Variants in EXOC4 observed in about 807,000 individuals in gnomAD.
EXOC4 encodes SEC8-like 1.
A neutral mutation model predicts 107.2 loss-of-function variants in EXOC4; 71 were observed. The observed-to-expected ratio is 0.66, with a 90% CI of 0.55 to 0.81. The LOEUF (loss-of-function observed/expected upper bound fraction) is 0.81, where lower values mean the gene tolerates loss of function less well. EXOC4 is among the 30% of genes least tolerant of loss of function. EXOC4 has a pLI of 0.00. For missense variants in EXOC4, 1,108 were observed against 1,189.6 expected (o/e 0.93, Z 1.01); for synonymous variants, 456 against 441.2 (o/e 1.03, Z -0.42).
At chr7:133,506,200 G>T (rs1799662565) in intron 9 of EXOC4, among the ~76,000 whole-genome samples, 1 of 152,072 alleles carries the variant, frequency 6.6e-6, no homozygotes. Flanking sequence ...TAATATGATT[G>T]TTTTAAGTTG....
rs1797915739 is a variant in EXOC4 at position 133,434,194 on chromosome 7, G to A, written c.1183-41134G>A. ...AAACTGATTAGAGACTGGAGGCTGT[G>A]TGCATGAGACCTCCCTAAAGCAGAG... On this transcript the variant is annotated intron_variant, in intron 7 of 17. Transcript: ENST00000253861. 2.0e-5 allele frequency among the ~76,000 whole-genome samples: 3 copies of A among 152,204 alleles called. No individual in the cohort carries two copies. The South Asian group carries it at 6.2e-4, about 32-fold the overall frequency.
intron 7 of EXOC4, among the ~76,000 whole-genome samples, chr7:133,388,079 T>A (rs1796768626): frequency 6.6e-6 from 1 of 152,156 alleles, no homozygotes; most frequent in Non-Finnish European, 1.5e-5. Flanking sequence ...TGGCTTGGAC[T>A]TTGCCTTTTA....
At chr7:134,026,636 T>G (rs1168088853) in intron 17 of EXOC4, among the ~76,000 whole-genome samples, 1 of 151,928 alleles carries the variant, frequency 6.6e-6, no homozygotes, top group Non-Finnish European at 1.5e-5. Flanking sequence ...CTGAGTTTAT[T>G]AGGTGTCAAA....
chr7:133,630,653 A>G (rs1457279446), intron 10 of EXOC4, among the ~76,000 whole-genome samples: 1 of 152,120 alleles, frequency 6.6e-6, no homozygotes, highest in African/African-American at 2.4e-5. Flanking sequence ...TTGCAAACCC[A>G]TAATCTGTCC....
chr7:133,810,577 C>T (rs1306979331), intron 10 of EXOC4, among the ~76,000 whole-genome samples: 3 of 148,244 alleles, frequency 2.0e-5, no homozygotes, highest in South Asian at 2.1e-4. Flanking sequence ...AGAATTTAGA[C>T]GATAAGATCC....
chr7:133,272,308 C>A lies in EXOC4; in HGVS notation c.87-2674C>A, dbSNP rs572959656. ...ACTCTGTAGCTGTTAGGAGTGCAAT[C>A]TGAAAGCAGACCAACCTGAGTTTTA... On this transcript the variant is annotated intron_variant, in intron 1 of 17. Transcript: ENST00000253861. Among the ~76,000 whole-genome samples the A allele has an allele frequency of 1.2e-4, 18 of 152,310 alleles. No homozygotes were observed. The South Asian group carries it at 3.3e-3, about 28-fold the overall frequency.
intron 7 of EXOC4, among the ~76,000 whole-genome samples, chr7:133,376,104 A>G (rs772574115): frequency 3.9e-5 from 6 of 152,204 alleles, no homozygotes; most frequent in Non-Finnish European, 8.8e-5. Flanking sequence ...TGTAAATTAT[A>G]GTCATTTTTT....
At chr7:133,657,226 T>G (rs780421702) in intron 10 of EXOC4, among the ~76,000 whole-genome samples, 3 of 152,170 alleles carry the variant, frequency 2.0e-5, no homozygotes, top group Non-Finnish European at 4.4e-5. Flanking sequence ...CTAGTTAATA[T>G]TCAACCCAGG....
intron 5 of EXOC4, among the ~76,000 whole-genome samples, chr7:133,338,596 T>C (rs546331977): frequency 1.3e-3 from 70 of 54,518 alleles, no homozygotes; most frequent in Non-Finnish European, 2.1e-3. Context: ...CGAGACTCCG[T>C]CTCAAAAAAA....
At chr7:133,576,812 T>A in intron 9 of EXOC4, 1 of 1,289,636 alleles carries the variant, frequency 7.8e-7, no homozygotes, top group Non-Finnish European at 1.0e-6. Flanking sequence ...ATGGCAAGTT[T>A]TACTGAACTC....
chr7:133,907,700 A>G (rs960431388), intron 12 of EXOC4, among the ~76,000 whole-genome samples: 5 of 152,124 alleles, frequency 3.3e-5, no homozygotes, highest in Non-Finnish European at 5.9e-5. Flanking sequence ...TTAGCTGGGC[A>G]TGGTGGCAGG....
intron 10 of EXOC4, among the ~76,000 whole-genome samples, chr7:133,741,898 A>G (rs74873983): frequency 1.3e-5 from 2 of 152,126 alleles, no homozygotes; most frequent in African/African-American, 2.4e-5. Context: ...TTGGTGATGT[A>G]GTTATTCCAG....
intron 11 of EXOC4, among the ~76,000 whole-genome samples, chr7:133,870,280 T>C (rs1259460903): frequency 1.3e-5 from 2 of 152,176 alleles, no homozygotes; most frequent in Non-Finnish European, 2.9e-5. Flanking sequence ...GACAAAAATT[T>C]TTAAAATAGT....
intron 9 of EXOC4, among the ~76,000 whole-genome samples, chr7:133,581,972 C>T (rs942190011): frequency 6.6e-6 from 1 of 152,018 alleles, no homozygotes; most frequent in African/African-American, 2.4e-5. Context: ...CATCAGGTCT[C>T]GTGAGAACTC....
chr7:133,671,411 A>G (rs1433538681), intron 10 of EXOC4, among the ~76,000 whole-genome samples: 1 of 152,066 alleles, frequency 6.6e-6, no homozygotes, highest in Non-Finnish European at 1.5e-5. Context: ...TAAAAAATAC[A>G]AAAATTAGCT....
At chr7:134,098,547 G>T in the EXOC4 span, among the ~76,000 whole-genome samples, 22 of 152,300 alleles carry the variant, frequency 1.4e-4, no homozygotes, top group African/African-American at 5.3e-4. Flanking sequence ...GCATGGGAAA[G>T]TTGCTGGGGT....
chr7:133,649,679 G>A (rs1193975164), intron 10 of EXOC4, among the ~76,000 whole-genome samples: 1 of 152,006 alleles, frequency 6.6e-6, no homozygotes, highest in African/African-American at 2.4e-5. Context: ...TGGGTTCAAG[G>A]CCATGCTTTG....
At chr7:133,778,665 A>T (rs1279827301) in intron 10 of EXOC4, among the ~76,000 whole-genome samples, 1 of 152,234 alleles carries the variant, frequency 6.6e-6, no homozygotes, top group Non-Finnish European at 1.5e-5. Context: ...ACGATTACTC[A>T]TTCAGAAAGT....
At chr7:133,983,361 G>C (rs1794039733) in intron 14 of EXOC4, among the ~76,000 whole-genome samples, 1 of 152,182 alleles carries the variant, frequency 6.6e-6, no homozygotes, top group Non-Finnish European at 1.5e-5. Context: ...CCAAATTTAT[G>C]AGTGATGCAG....
Sources: gnomAD v4.1 joint callset for allele counts (sites outside exome capture counted in the v4.1 genomes callset) on GRCh38, gnomAD v4.1.1 for gene constraint, MANE v1.5 for transcripts, NCBI Gene and HGNC (gene_info 2026-07-23, HGNC 2026-07-21) for gene names.